The following GRIP1 variants were observed in gnomAD, a reference collection of about 807,000 sequenced individuals.
GRIP1 encodes the protein glutamate receptor-interacting protein 1.
GRIP1 carries 45 observed loss-of-function variants against 129.9 expected under a neutral mutation model. The observed-to-expected ratio is 0.35, with a 90% CI of 0.27 to 0.44. The LOEUF (loss-of-function observed/expected upper bound fraction) is 0.44. Ranked by LOEUF, GRIP1 falls within the 20% of genes least tolerant of loss-of-function variation. The pLI is 1.00. For missense variants in GRIP1, 1,196 were observed against 1,396.8 expected (o/e 0.86, Z 2.29); for synonymous variants, 530 against 520.8 (o/e 1.02, Z -0.24).
At chr12:66,369,716 G>A (rs528892374) in intron 23 of GRIP1, among the ~76,000 whole-genome samples, 17 of 152,112 alleles carry the variant, frequency 1.1e-4, no homozygotes, top group Non-Finnish European at 2.2e-4. Flanking sequence ...CACAGAAGAG[G>A]GGAAGGCAGT....
chr12:66,666,300 C>T lies in GRIP1; in HGVS notation c.55+12550G>A, dbSNP rs549140775. Reference sequence around the variant, plus strand: ...ATTCTATGTTCCTAAATCTGTGCTACTCAATGGAGAATCTTCCAAGTATAA... The same window carrying T: ...ATTCTATGTTCCTAAATCTGTGCTATTCAATGGAGAATCTTCCAAGTATAA... On this transcript the variant is annotated intron_variant, in intron 1 of 24. Transcript: ENST00000359742. 2.6e-5 allele frequency among the ~76,000 whole-genome samples: 4 copies of T among 152,234 alleles called. No individual in the cohort carries two copies. In the East Asian group the frequency reaches 7.7e-4, roughly 29 times the overall value.
At chr12:66,730,134 G>A (rs2036387069) in intron 1 of GRIP1, among the ~76,000 whole-genome samples, 1 of 152,108 alleles carries the variant, frequency 6.6e-6, no homozygotes, top group Admixed American at 6.6e-5. Flanking sequence ...TAAAATGACT[G>A]AACTATGAAA....
chr12:66,361,471 T>G (rs2054761824), intron 23 of GRIP1, among the ~76,000 whole-genome samples: 1 of 152,204 alleles, frequency 6.6e-6, no homozygotes, highest in African/African-American at 2.4e-5. Context: ...AGGTGCTGCC[T>G]TTCTCATTCA....
chr12:66,887,706 A>C (rs1477527532), intron 1 of GRIP1, among the ~76,000 whole-genome samples: 1 of 152,244 alleles, frequency 6.6e-6, no homozygotes, highest in African/African-American at 2.4e-5. Context: ...ACTAACCTCT[A>C]AGAAATGATT....
intron 1 of GRIP1, among the ~76,000 whole-genome samples, chr12:66,716,247 C>T (rs1440896929): frequency 1.3e-5 from 2 of 151,944 alleles, no homozygotes; most frequent in African/African-American, 4.8e-5. Flanking sequence ...TTTCCTTAGT[C>T]AAGTTTAACT....
intron 5 of GRIP1, among the ~76,000 whole-genome samples, chr12:66,527,639 C>T (rs1336415718): frequency 6.6e-6 from 1 of 151,982 alleles, no homozygotes; most frequent in Non-Finnish European, 1.5e-5. Flanking sequence ...CAAACCTGTA[C>T]ATTGTGCACA....
intron 2 of GRIP1, among the ~76,000 whole-genome samples, chr12:66,572,657 G>C (rs146915944): frequency 5.0e-4 from 76 of 152,262 alleles, no homozygotes; most frequent in African/African-American, 1.7e-3. Context: ...TGACCTTCAG[G>C]AGCTATCTGG....
chr12:66,955,737 C>T (rs542592050), intron 1 of GRIP1, among the ~76,000 whole-genome samples: 2 of 152,074 alleles, frequency 1.3e-5, no homozygotes, highest in East Asian at 3.9e-4. Context: ...GAACTCCTGA[C>T]CTCAAGTGAT....
In GRIP1 at chr12:66,408,609, G is replaced by A. The variant is rs1252925785; in HGVS notation, c.1839-2181C>T. Among the ~76,000 whole-genome samples, 4 of 152,182 alleles carry A rather than the reference G, an allele frequency of 2.6e-5. No individual in the cohort carries two copies. The East Asian group carries it at 5.8e-4, about 22-fold the overall frequency. Reference sequence around the variant, plus strand: ...TGTGACCCAGCACATTCCCAGCTGTGGTGGCTATGGGGAGAGGCTGTTTCT... The same window carrying A: ...TGTGACCCAGCACATTCCCAGCTGTAGTGGCTATGGGGAGAGGCTGTTTCT... On this transcript the variant is annotated intron_variant, in intron 15 of 24. Transcript: ENST00000359742.
intron 1 of GRIP1, among the ~76,000 whole-genome samples, chr12:66,823,439 T>C (rs910664973): frequency 1.3e-5 from 2 of 152,130 alleles, no homozygotes; most frequent in African/African-American, 4.8e-5. Flanking sequence ...GCAAAGTACT[T>C]TGCACATTAA....
At chr12:66,751,896 A>C (rs2136620495) in intron 1 of GRIP1, among the ~76,000 whole-genome samples, 1 of 152,314 alleles carries the variant, frequency 6.6e-6, no homozygotes, top group East Asian at 1.9e-4. Flanking sequence ...TGGGAAGTGA[A>C]ATCTAAAGTG....
chr12:66,576,229 G>C (rs557284654), intron 2 of GRIP1, among the ~76,000 whole-genome samples: 2 of 152,248 alleles, frequency 1.3e-5, no homozygotes, highest in South Asian at 4.2e-4. Context: ...CTTTTAGAAA[G>C]ATCTCTCATA....
intron 2 of GRIP1, among the ~76,000 whole-genome samples, chr12:66,575,823 G>T (rs571207643): frequency 6.6e-6 from 1 of 152,088 alleles, no homozygotes; most frequent in Non-Finnish European, 1.5e-5. Flanking sequence ...TACCTCCAGT[G>T]GCTTCAAAGG....
chr12:66,856,637 G>A (rs1022095019), intron 1 of GRIP1, among the ~76,000 whole-genome samples: 16 of 151,564 alleles, frequency 1.1e-4, no homozygotes, highest in Non-Finnish European at 2.2e-4. Flanking sequence ...CATCATCACT[G>A]GCCATCAGAG....
At chr12:66,567,352 A>G (rs2062804363) in intron 2 of GRIP1, among the ~76,000 whole-genome samples, 1 of 152,210 alleles carries the variant, frequency 6.6e-6, no homozygotes, top group Non-Finnish European at 1.5e-5. Context: ...TTCAAAGAAC[A>G]TCTTTATTTC....
chr12:66,537,915 C>T (rs1408344454), intron 4 of GRIP1, among the ~76,000 whole-genome samples: 1 of 152,188 alleles, frequency 6.6e-6, no homozygotes, highest in African/African-American at 2.4e-5. Flanking sequence ...TGCCGCTGTT[C>T]TTCCTCTGCG....
rs2039878744 is a variant in GRIP1, at chr12:66,849,751, G to A, written c.58+219299C>T. On this transcript the variant is annotated intron_variant, in intron 1 of 1. Transcript: ENST00000643019. ...TGTTTACCTGGTTTCTAAAAGGCAT[G>A]TGGGCTAGCCCAAGAGTAAAGAGAC... Among the ~76,000 whole-genome samples, 3 of 152,204 alleles carry A rather than the reference G, an allele frequency of 2.0e-5. 1 individual carries two copies. The highest frequency in any genetic ancestry group is 2.0e-4 in the Admixed American group (3 of 15,268).
At chr12:66,575,614 G>C (rs1468713144) in intron 2 of GRIP1, among the ~76,000 whole-genome samples, 1 of 152,184 alleles carries the variant, frequency 6.6e-6, no homozygotes, top group Non-Finnish European at 1.5e-5. Context: ...ATAGATCCTG[G>C]ATAGGCTTTA....
intron 1 of GRIP1, among the ~76,000 whole-genome samples, chr12:66,923,480 C>T (rs1008395440): frequency 6.6e-6 from 1 of 152,198 alleles, no homozygotes; most frequent in African/African-American, 2.4e-5. Context: ...CATCACCTCA[C>T]CCTCCTACTC....
Sources: gnomAD v4.1 joint callset for allele counts (sites outside exome capture counted in the v4.1 genomes callset) on GRCh38, gnomAD v4.1.1 for gene constraint, MANE v1.5 for transcripts, NCBI Gene and HGNC (gene_info 2026-07-23, HGNC 2026-07-21) for gene names.